The following NTM variants were observed in gnomAD, a reference collection of about 807,000 sequenced individuals.
NTM encodes neurotrimin.
In NTM, 13 loss-of-function variants were observed where a neutral mutation model predicts 42.1. The observed-to-expected ratio is 0.31, with a 90% CI of 0.20 to 0.49. The LOEUF is 0.49. Ranked by LOEUF, NTM falls within the 20% of genes least tolerant of loss-of-function variation. The pLI is 0.99. For missense variants in NTM, 373 were observed against 452.8 expected (o/e 0.82, Z 1.60); for synonymous variants, 187 against 179.2 (o/e 1.04, Z -0.35).
chr11:131,572,806 C>T (rs145975243), intron 1 of NTM, among the ~76,000 whole-genome samples: 55 of 152,294 alleles, frequency 3.6e-4, no homozygotes, highest in African/African-American at 1.3e-3. Flanking sequence ...GAGATGAAGA[C>T]TTCAGTTTCT....
At chr11:131,598,519 G>A (rs906860497) in intron 1 of NTM, among the ~76,000 whole-genome samples, 3 of 152,140 alleles carry the variant, frequency 2.0e-5, no homozygotes, top group African/African-American at 7.2e-5. Context: ...ACAGGTCACT[G>A]TGTGTGTCAC....
At chr11:131,620,840 G>T (rs570160554) in intron 1 of NTM, among the ~76,000 whole-genome samples, 73 of 152,288 alleles carry the variant, frequency 4.8e-4, no homozygotes, top group Non-Finnish European at 1.8e-4. Flanking sequence ...TACTTTCTAT[G>T]ATAGCAGCAG....
At chr11:131,961,697 G>A (rs1466045163) in intron 2 of NTM, among the ~76,000 whole-genome samples, 5 of 152,236 alleles carry the variant, frequency 3.3e-5, no homozygotes, top group East Asian at 1.9e-4. Context: ...AAGAGTGGCC[G>A]GCAGTGAGGC....
intron 1 of NTM, among the ~76,000 whole-genome samples, chr11:131,508,659 G>C (rs1267151050): frequency 6.6e-6 from 1 of 150,750 alleles, no homozygotes; most frequent in Admixed American, 6.6e-5. Flanking sequence ...TGATAGACTG[G>C]ATGAAGAAAA....
rs2061024309 is a variant in NTM at position 131,951,824 on chromosome 11, A to C, written c.167+40176A>C. On this transcript the variant is annotated intron_variant, in intron 2 of 8. Transcript: ENST00000683400. ...GTGACAGAGCAAGACTCCGTCTCAA[A>C]AAAAAAAAAAAAAAAAAAAGCCCAA... Among the ~76,000 whole-genome samples, 4 of 119,972 alleles carry C rather than the reference A, an allele frequency of 3.3e-5. No homozygotes were observed. The South Asian group carries it at 1.2e-3, about 36-fold the overall frequency. 78.7% of individuals were successfully genotyped at this position (119,972 alleles called of 152,430 possible).
chr11:132,332,704 T>A (rs542629351), intron 8 of NTM: 2 of 152,288 alleles, frequency 1.3e-5, no homozygotes, highest in Admixed American at 1.3e-4. Context: ...CCGCTCTCAG[T>A]CGTCTCCCGA....
At chr11:132,051,559 T>A (rs2078855147) in intron 2 of NTM, among the ~76,000 whole-genome samples, 2 of 152,332 alleles carry the variant, frequency 1.3e-5, no homozygotes, top group South Asian at 4.1e-4. Flanking sequence ...ACTTAATATT[T>A]TCCTGTGTCT....
At chr11:131,676,531 A>G (rs2071430861) in intron 1 of NTM, among the ~76,000 whole-genome samples, 1 of 152,216 alleles carries the variant, frequency 6.6e-6, no homozygotes, top group Admixed American at 6.5e-5. Flanking sequence ...CTGCATATGC[A>G]CATAGTGGAG....
At chr11:131,948,592 G>T (rs765220678) in intron 2 of NTM, among the ~76,000 whole-genome samples, 1 of 152,076 alleles carries the variant, frequency 6.6e-6, no homozygotes, top group Non-Finnish European at 1.5e-5. Context: ...CAGTGTGTCC[G>T]GTTCAGCCCT....
intron 1 of NTM, among the ~76,000 whole-genome samples, chr11:131,479,573 A>G (rs10750482): frequency 0.6 from 91,559 of 152,068 alleles, 28,634 homozygotes; most frequent in African/African-American, 0.76. Flanking sequence ...TGGGCCCTAG[A>G]GAGCACCATA....
intron 7 of NTM, among the ~76,000 whole-genome samples, chr11:132,326,130 C>T (rs1195633092): frequency 2.0e-5 from 3 of 151,904 alleles, no homozygotes; most frequent in Non-Finnish European, 4.4e-5. Context: ...AACAAACCTG[C>T]ACATTGTGCA....
At chr11:131,681,587 A>C (rs1157335877) in intron 1 of NTM, among the ~76,000 whole-genome samples, 1 of 20,188 alleles carries the variant, frequency 5.0e-5, no homozygotes, top group African/African-American at 1.2e-4. Context: ...CTCCCTGTGT[A>C]TGTGAGCTTG....
chr11:132,220,968 C>T (rs2335468), intron 4 of NTM, among the ~76,000 whole-genome samples: 73,227 of 151,818 alleles, frequency 0.48, 17,945 homozygotes, highest in Middle Eastern at 0.59. Flanking sequence ...GTGGGATGTC[C>T]CACCGCCCAT....
chr11:132,267,669 A>G (rs1219906115), intron 4 of NTM, among the ~76,000 whole-genome samples: 1 of 151,956 alleles, frequency 6.6e-6, no homozygotes, highest in African/African-American at 2.4e-5. Context: ...TAGAAAAATT[A>G]TCCGGGCATG....
chr11:131,480,490 G>A (rs1237483602), intron 1 of NTM, among the ~76,000 whole-genome samples: 4 of 152,158 alleles, frequency 2.6e-5, no homozygotes, highest in South Asian at 2.1e-4. Flanking sequence ...CTCCCATGAC[G>A]AAACTCACGT....
chr11:131,616,474 A>C (rs1189084999), intron 1 of NTM, among the ~76,000 whole-genome samples: 1 of 152,042 alleles, frequency 6.6e-6, no homozygotes, highest in Non-Finnish European at 1.5e-5. Flanking sequence ...TTCTCCTGAC[A>C]CTCTGAGCTT....
chr11:131,802,500 C>A (rs1264027207), intron 1 of NTM, among the ~76,000 whole-genome samples: 1 of 152,228 alleles, frequency 6.6e-6, no homozygotes, highest in Non-Finnish European at 1.5e-5. Flanking sequence ...ATGAGCAGCA[C>A]CCTCTGTGGG....
At chr11:131,424,334 G>A (rs1947833714) in intron 1 of NTM, among the ~76,000 whole-genome samples, 1 of 152,094 alleles carries the variant, frequency 6.6e-6, no homozygotes, top group Non-Finnish European at 1.5e-5. Flanking sequence ...ACACTGCACT[G>A]GAGACAGGGT....
chr11:131,822,252 C>T (rs951988278), intron 1 of NTM, among the ~76,000 whole-genome samples: 1 of 152,044 alleles, frequency 6.6e-6, no homozygotes, highest in Admixed American at 6.6e-5. Flanking sequence ...TCACTGCATC[C>T]TCATCCTTTC....
Sources: gnomAD v4.1 joint callset for allele counts (sites outside exome capture counted in the v4.1 genomes callset) on GRCh38, gnomAD v4.1.1 for gene constraint, MANE v1.5 for transcripts, NCBI Gene and HGNC (gene_info 2026-07-23, HGNC 2026-07-21) for gene names.